The following RB1 variants were observed in gnomAD, a reference collection of about 807,000 sequenced individuals.
RB1 encodes the protein retinoblastoma-associated protein.
In RB1, 18 loss-of-function variants were observed where a neutral mutation model predicts 135.4. That is an observed-to-expected ratio of 0.13 (90% CI 0.09 to 0.20). The LOEUF is 0.20. RB1 is among the 10% of genes least tolerant of loss of function. The pLI, the probability that RB1 is intolerant of heterozygous loss-of-function variation, is 1.00. For synonymous variants in RB1, 365 were observed against 373.2 expected, an observed-to-expected ratio of 0.98 and a Z score of 0.25; for missense variants, 868 against 1,110.0, an observed-to-expected ratio of 0.78 and a Z score of 3.10.
Position 48,343,363 on chromosome 13 carries a change from T to C in RB1, c.380+649T>C, listed in dbSNP as rs149476379. 3.0e-3 allele frequency among the ~76,000 whole-genome samples: 455 copies of C among 152,310 alleles called. 2 individuals are homozygous for C. The highest frequency in any genetic ancestry group is 6.4e-3 in the East Asian group (33 of 5,192). On this transcript the variant is annotated intron_variant, in intron 3 of 26. Transcript: ENST00000267163. The stretch of plus-strand genomic sequence containing the variant: ...GTATGTATTTTTACCAAATAGGTAA[T>C]TATGTTTCTCCTTGAACAAAGACAT...
chr13:48,417,499 C>T (rs1185509487), intron 17 of RB1, among the ~76,000 whole-genome samples: 1 of 152,106 alleles, frequency 6.6e-6, no homozygotes, highest in African/African-American at 2.4e-5. Context: ...CTGACAATTC[C>T]AAAAACCAGA....
At chr13:48,428,935 G>A (rs912515417) in intron 17 of RB1, among the ~76,000 whole-genome samples, 9 of 152,132 alleles carry the variant, frequency 5.9e-5, no homozygotes, top group African/African-American at 2.2e-4. Flanking sequence ...ACCTATTACT[G>A]AGGGGTAGAA....
chr13:48,413,474 G>A (rs934688285), intron 17 of RB1, among the ~76,000 whole-genome samples: 3 of 152,186 alleles, frequency 2.0e-5, no homozygotes, highest in African/African-American at 4.8e-5. Flanking sequence ...GTATGGGTGT[G>A]TATTTATAAA....
chr13:48,408,631 T>C (rs575875721), intron 17 of RB1: 2 of 152,238 alleles, frequency 1.3e-5, no homozygotes, highest in East Asian at 3.9e-4. Flanking sequence ...TACCACAAAG[T>C]ACAACACTAG....
intron 4 of RB1, among the ~76,000 whole-genome samples, chr13:48,345,615 A>C (rs898836841): frequency 6.6e-6 from 1 of 152,172 alleles, no homozygotes; most frequent in Admixed American, 6.5e-5. Flanking sequence ...TTGTACTCCC[A>C]ATGGTGGCTT....
At chr13:48,342,740 C>T in intron 3 of RB1, 26 bp downstream of exon 3, 3 of 1,458,158 alleles carry the variant, frequency 2.1e-6, no homozygotes, top group Non-Finnish European at 2.9e-6. Context: ...TAAATATAAG[C>T]CTCTGCCATA....
intron 2 of RB1, chr13:48,328,242 G>T: frequency 6.8e-7 from 1 of 1,463,916 alleles, no homozygotes; most frequent in Non-Finnish European, 9.6e-7. Flanking sequence ...TGCTTCTGGA[G>T]GCCTTTCCTC....
intron 16 of RB1, among the ~76,000 whole-genome samples, chr13:48,380,836 A>G (rs1314345738): frequency 6.6e-6 from 1 of 152,168 alleles, no homozygotes; most frequent in East Asian, 1.9e-4. Context: ...ATCCTCATTT[A>G]TAACCAAGAA....
At chr13:48,347,364 T>TG (rs1325789326) in intron 4 of RB1, among the ~76,000 whole-genome samples, 2 of 152,132 alleles carry the variant, frequency 1.3e-5, no homozygotes, top group East Asian at 3.8e-4. Context: ...TGCTAATGGC[T>TG]GAAAGGTAAG....
intron 2 of RB1, among the ~76,000 whole-genome samples, chr13:48,334,326 C>T (rs1359533949): frequency 6.6e-6 from 1 of 152,176 alleles, no homozygotes; most frequent in Non-Finnish European, 1.5e-5. Context: ...CTGCTGTAAG[C>T]TCATATTATA....
chr13:48,355,059 G>A (rs1388375691), intron 6 of RB1, among the ~76,000 whole-genome samples: 2 of 151,774 alleles, frequency 1.3e-5, no homozygotes, highest in Non-Finnish European at 2.9e-5. Flanking sequence ...AAGCAAAAAT[G>A]GATAAACGAG....
chr13:48,346,766 C>G lies in RB1; in HGVS notation c.501-1059C>G, dbSNP rs560173537. Among the ~76,000 whole-genome samples the G allele has an allele frequency of 2.0e-5, 3 of 152,018 alleles. No homozygotes were observed. In the South Asian group the frequency reaches 6.2e-4, roughly 32 times the overall value. ...CTGTGTGTAAGGAAGAAACCTAGAC[C>G]ACTAACGCATAGAATGAAATGACTG... On this transcript the variant is annotated intron_variant, in intron 4 of 26. Transcript: ENST00000267163.
chr13:48,342,736 T>C (rs1952457813), intron 3 of RB1, 22 bp downstream of exon 3: 2 of 1,481,342 alleles, frequency 1.4e-6, no homozygotes, highest in East Asian at 2.3e-5. Flanking sequence ...TGTATAAATA[T>C]AAGCCTCTGC....
chr13:48,332,021 C>G (rs1952341786), intron 2 of RB1, among the ~76,000 whole-genome samples: 1 of 152,138 alleles, frequency 6.6e-6, no homozygotes, highest in Admixed American at 6.5e-5. Context: ...CAAGGACTAT[C>G]TGTTATATAT....
chr13:48,454,535 G>A (rs894781327), intron 18 of RB1, among the ~76,000 whole-genome samples: 1 of 152,158 alleles, frequency 6.6e-6, no homozygotes, highest in African/African-American at 2.4e-5. Context: ...AAGATGGCCT[G>A]GGTCCTTCCC....
intron 2 of RB1, among the ~76,000 whole-genome samples, chr13:48,314,435 A>G (rs1318565948): frequency 6.6e-6 from 1 of 152,186 alleles, no homozygotes; most frequent in Non-Finnish European, 1.5e-5. Flanking sequence ...TATAAATGGA[A>G]TTGTTTTCTT....
rs1056072565 is a variant in RB1, at chr13:48,319,083, C to A, written c.264+11677C>A. 4 of 614,766 alleles carry A rather than the reference C, an allele frequency of 6.5e-6. No individual in the cohort carries two copies. Among genetic ancestry groups the A allele is most frequent in the Non-Finnish European group, 1.2e-5 (4 of 331,752 alleles). 38.1% of individuals were successfully genotyped at this position (614,766 alleles called of 1,614,324 possible). Reference sequence around the variant, plus strand: ...GTGTCTGCCTGGCACGAGGACCGTTCTACAAACTCGTTCCTGGAAGCCGGG... The same window carrying A: ...GTGTCTGCCTGGCACGAGGACCGTTATACAAACTCGTTCCTGGAAGCCGGG... On this transcript the variant is annotated intron_variant, in intron 2 of 26. Transcript: ENST00000267163. This position sits in a 1 kb window ranked among gnomAD's most constrained non-coding sequence, Gnocchi z 5.0.
At chr13:48,454,305 A>G (rs1301572183) in intron 18 of RB1, among the ~76,000 whole-genome samples, 2 of 152,250 alleles carry the variant, frequency 1.3e-5, no homozygotes, top group Non-Finnish European at 2.9e-5. Context: ...CTGACATTAC[A>G]GTATTCTGTA....
intron 26 of RB1, among the ~76,000 whole-genome samples, chr13:48,479,706 T>C (rs190210869): frequency 1.3e-5 from 2 of 152,080 alleles, no homozygotes; most frequent in African/African-American, 4.8e-5. Context: ...GGGGTACATG[T>C]GATGTTTTGA....
Sources: allele counts gnomAD v4.1 joint callset (sites outside exome capture counted in the v4.1 genomes callset), GRCh38; gene constraint gnomAD v4.1.1; non-coding constraint Gnocchi (gnomAD v3.1); transcripts MANE v1.5; gene names NCBI Gene and HGNC (gene_info 2026-07-23, HGNC 2026-07-21).